ZNF254: variants seen among roughly 807,000 people sequenced by gnomAD.
ZNF254 encodes the protein zinc finger protein 254, also known as CTD-2017D11.1.
In ZNF254, 10 loss-of-function variants were observed where a neutral mutation model predicts 12.4. That is an observed-to-expected ratio of 0.80 (90% CI 0.50 to 1.36). The LOEUF is 1.36. Among genes scored for constraint, ZNF254 ranks in the 40% most tolerant of loss-of-function variants. The probability of loss-of-function intolerance (pLI) is 0.00; values close to 1 mark genes in which losing one functional copy is unlikely to be tolerated. For missense variants in ZNF254, 996 were observed against 763.9 expected, an observed-to-expected ratio of 1.30 and a Z score of -3.58; for synonymous variants, 305 against 253.4, an observed-to-expected ratio of 1.20 and a Z score of -1.93.
intron 2 of ZNF254, among the ~76,000 whole-genome samples, chr19:24,067,703 C>A (rs1016863305): frequency 6.6e-6 from 1 of 151,652 alleles, no homozygotes. Flanking sequence ...GACCCTTCCT[C>A]TACTGCTTGG....
chr19:24,113,621 G>A (rs906857709), intron 3 of ZNF254, among the ~76,000 whole-genome samples: 1 of 152,084 alleles, frequency 6.6e-6, no homozygotes, highest in Non-Finnish European at 1.5e-5. Context: ...TTGAAAACTG[G>A]CACAAGACAG....
intron 1 of ZNF254, among the ~76,000 whole-genome samples, chr19:24,045,434 CCGAGGTGGGCGAATCA>C (rs1439367856): frequency 2.0e-5 from 3 of 151,948 alleles, no homozygotes; most frequent in Non-Finnish European, 4.4e-5. Flanking sequence ...CTTTGGGAGG[CCGAGGTGGGCGAATCA>C]CGAGGTCGGG....
intron 2 of ZNF254, among the ~76,000 whole-genome samples, chr19:24,051,539 T>C (rs1460720267): frequency 6.6e-6 from 1 of 152,184 alleles, no homozygotes; most frequent in Non-Finnish European, 1.5e-5. Context: ...GATGTGACTC[T>C]GCTGTTTCAT....
At chr19:24,123,636 A>G (rs1974635553) in intron 3 of ZNF254, among the ~76,000 whole-genome samples, 1 of 152,174 alleles carries the variant, frequency 6.6e-6, no homozygotes. Context: ...ATACACACAC[A>G]CACACAAATA....
chr19:24,068,450 A>G lies in ZNF254; in HGVS notation c.-94+22171A>G, dbSNP rs576399538. On this transcript the variant is annotated intron_variant, in intron 2 of 4. Coordinates refer to the ZNF254 transcript ENST00000613065. Reference sequence around the variant, plus strand: ...CAAGTAGCTGGGATTACAGGCATGCATTACCACACCGTTCTAATTTTTGTA... The same window carrying G: ...CAAGTAGCTGGGATTACAGGCATGCGTTACCACACCGTTCTAATTTTTGTA... Among the ~76,000 whole-genome samples the G allele has an allele frequency of 3.9e-5, 6 of 152,160 alleles. No individual in the cohort carries two copies. The South Asian group carries it at 1.2e-3, about 32-fold the overall frequency.
intron 2 of ZNF254, among the ~76,000 whole-genome samples, chr19:24,067,259 T>C (rs562704679): frequency 6.6e-6 from 1 of 152,084 alleles, no homozygotes; most frequent in South Asian, 2.1e-4. Context: ...TAATATACCT[T>C]TGGGCCTGGG....
chr19:24,053,574 T>C (rs1233585634), intron 2 of ZNF254, among the ~76,000 whole-genome samples: 2 of 152,106 alleles, frequency 1.3e-5, no homozygotes, highest in Non-Finnish European at 2.9e-5. Context: ...CCAGGTGATA[T>C]GACTTTCCTC....
At chr19:24,055,403 T>C (rs1970813381) in intron 2 of ZNF254, among the ~76,000 whole-genome samples, 2 of 151,534 alleles carry the variant, frequency 1.3e-5, no homozygotes, top group Non-Finnish European at 2.9e-5. Flanking sequence ...CTCAGCCTCC[T>C]GAGTATCTGG....
At chr19:24,080,650 GGT>G (rs1252575984) in intron 2 of ZNF254, 3 of 152,078 alleles carry the variant, frequency 2.0e-5, no homozygotes, top group Admixed American at 2.0e-4. Flanking sequence ...TGGCCAACAT[GGT>G]GAAACCCCAT....
At chr19:24,119,299 C>T (rs1349920317) in intron 3 of ZNF254, among the ~76,000 whole-genome samples, 2 of 152,100 alleles carry the variant, frequency 1.3e-5, no homozygotes, top group East Asian at 1.9e-4. Context: ...TCAAGCGATT[C>T]TCCTGTCTCA....
chr19:24,053,701 G>C (rs972243951), intron 2 of ZNF254, among the ~76,000 whole-genome samples: 1 of 152,124 alleles, frequency 6.6e-6, no homozygotes, highest in African/African-American at 2.4e-5. Flanking sequence ...GTGACATGTG[G>C]CTTGTTCTAA....
chr19:24,045,709 G>T (rs1434515589), intron 1 of ZNF254, among the ~76,000 whole-genome samples: 1 of 151,512 alleles, frequency 6.6e-6, no homozygotes, highest in Admixed American at 6.6e-5. Flanking sequence ...CCCTTCTTCG[G>T]GGCCGAGAGA....
At position 24,087,345 on chromosome 19, in the gene ZNF254, T is replaced by C. The variant is rs1972085857; in HGVS notation, c.30+8T>C. On this transcript the variant is annotated splice_region_variant and intron_variant, in intron 1 of 3. Coordinates refer to ENST00000357002, the MANE Select transcript of ZNF254 (RefSeq NM_203282.4). ...CCTAGAAGCCTAGAAATGGTGAGAATGCCAGTCCGACATCCCGAGAGAGGG... is the reference window on the plus strand; with the variant it reads ...CCTAGAAGCCTAGAAATGGTGAGAACGCCAGTCCGACATCCCGAGAGAGGG... 6.2e-7 allele frequency: 1 copy of C among 1,613,310 alleles called. No individual in the cohort carries two copies. Among genetic ancestry groups the C allele is most frequent in the Non-Finnish European group, 8.5e-7 (1 of 1,179,658 alleles).
At chr19:24,080,337 C>T (rs1282375622) in intron 2 of ZNF254, 2 of 152,184 alleles carry the variant, frequency 1.3e-5, no homozygotes, top group Non-Finnish European at 2.9e-5. Context: ...AATCAGGTTG[C>T]ACACTGTAAG....
intron 3 of ZNF254, among the ~76,000 whole-genome samples, chr19:24,119,489 G>A (rs1460042574): frequency 6.6e-6 from 1 of 151,932 alleles, no homozygotes; most frequent in East Asian, 1.9e-4. Flanking sequence ...ACCATTCCTG[G>A]CCTTATTTGT....
At chr19:24,049,215 T>TATATA (rs1491192531) in intron 2 of ZNF254, among the ~76,000 whole-genome samples, 153 of 26,566 alleles carry the variant, frequency 5.8e-3, no homozygotes, top group African/African-American at 0.011. Context: ...TATATATATA[T>TATATA]TTTTTTTTTT....
chr19:24,115,172 T>C (rs1220227888), intron 3 of ZNF254, among the ~76,000 whole-genome samples: 2 of 152,064 alleles, frequency 1.3e-5, no homozygotes, highest in African/African-American at 4.8e-5. Flanking sequence ...AACCCATTAC[T>C]GGGTAGATAC....
chr19:24,035,215 G>A (rs899333596), intron 1 of ZNF254, among the ~76,000 whole-genome samples: 8 of 152,014 alleles, frequency 5.3e-5, no homozygotes, highest in African/African-American at 1.4e-4. Flanking sequence ...CTAGGCAGGC[G>A]GGCACTGGCG....
intron 2 of ZNF254, among the ~76,000 whole-genome samples, chr19:24,061,192 C>A (rs1479776004): frequency 6.6e-6 from 1 of 152,184 alleles, no homozygotes; most frequent in Non-Finnish European, 1.5e-5. Context: ...CTCACATGGA[C>A]CGTGAGCATG....
Sources: gnomAD v4.1 joint callset for allele counts (sites outside exome capture counted in the v4.1 genomes callset) on GRCh38, gnomAD v4.1.1 for gene constraint, MANE v1.5 for transcripts, NCBI Gene and HGNC (gene_info 2026-07-23, HGNC 2026-07-21) for gene names.